The following PSMD1 variants were observed in gnomAD, a reference collection of about 807,000 sequenced individuals.
PSMD1 encodes the protein proteasome 26S subunit, non-ATPase 1, also known as 26S proteasome non-ATPase regulatory subunit 1.
In PSMD1, 18 loss-of-function variants were observed where a neutral mutation model predicts 119.0. The observed-to-expected ratio is 0.15, with a 90% CI of 0.10 to 0.22. PSMD1 has a LOEUF of 0.22. Ranked by LOEUF, PSMD1 falls within the 10% of genes least tolerant of loss-of-function variation. The probability of loss-of-function intolerance (pLI) is 1.00; values close to 1 mark genes in which losing one functional copy is unlikely to be tolerated. For missense variants in PSMD1, 702 were observed against 1,158.5 expected (o/e 0.61, Z 5.72); for synonymous variants, 374 against 396.6 (o/e 0.94, Z 0.68).
In PSMD1 at chr2:231,080,211, A is replaced by G. The variant is rs1428692970; in HGVS notation, c.1310A>G (p.Tyr437Cys). The G allele has an allele frequency of 6.2e-7, 1 of 1,613,634 alleles. No individual in the cohort carries two copies. The highest frequency in any genetic ancestry group is 8.5e-7 in the Non-Finnish European group (1 of 1,179,540). ...LPKDTSPGSA[Y>C]QEGGGLYALG... ...AAGGATACTTCTCCAGGATCAGCCT[A>G]TCAGGAAGGTGGAGGTCTCTATGCA... The change falls in exon 12 of 25, where the codon TAT (tyrosine) becomes TGT (cysteine). Residue 437 changes from tyrosine to cysteine, a missense_variant. By Grantham distance (194) the Tyr-to-Cys change is radical (BLOSUM62 -2). Transcript: ENST00000308696.
chr2:231,077,905 A>G (rs1040367393), intron 9 of PSMD1, among the ~76,000 whole-genome samples: 21 of 152,264 alleles, frequency 1.4e-4, no homozygotes, highest in African/African-American at 4.8e-4. Context: ...GGCAAAAAAT[A>G]TGGAGAATCA....
Position 231,070,010 on chromosome 2 carries a change from A to C in PSMD1, c.511-15A>C. On this transcript the variant is annotated splice_polypyrimidine_tract_variant and intron_variant, in intron 5 of 24. Transcript: ENST00000308696. The stretch of plus-strand genomic sequence containing the variant: ...ATAACCAGATAACGTTATATCTTTA[A>C]ACTATCTCTTTCAGAATGATGTCCC... 1 of 1,401,968 alleles carries C rather than the reference A, an allele frequency of 7.1e-7. No individual in the cohort carries two copies. The highest frequency in any genetic ancestry group is 9.4e-7 in the Non-Finnish European group (1 of 1,063,742). 86.8% of individuals were successfully genotyped at this position (1,401,968 alleles called of 1,614,324 possible).
In PSMD1 at chr2:231,119,950, C is replaced by CT. The variant is rs758725665; in HGVS notation, c.1884-18770dup. 2.6e-3 allele frequency among the ~76,000 whole-genome samples: 346 copies of CT among 135,686 alleles called. 1 individual carries two copies. Among genetic ancestry groups the CT allele is most frequent in the Admixed American group, 0.011 (149 of 13,440 alleles). The allele number at this position is 135,686 out of a possible 152,430, so 89.0% of individuals were successfully genotyped here. A position where few individuals can be genotyped will look rare whatever the true frequency, so the allele number is the denominator to read the frequency against. On this transcript the variant is annotated intron_variant, in intron 16 of 24. Transcript: ENST00000308696. ...CCAGATGCCATATCTTCCCGTGTTA[C>CT]TTTTTTTTTTTTTTTTCCCTGAGAC...
chr2:231,130,732 G>C (rs936820140), intron 16 of PSMD1, among the ~76,000 whole-genome samples: 46 of 152,198 alleles, frequency 3.0e-4, no homozygotes, highest in African/African-American at 1.0e-3. Flanking sequence ...AGAATGCTGG[G>C]ATTACAGGCA....
chr2:231,078,814 TTG>T (rs1217409084), intron 10 of PSMD1, 67 bp downstream of exon 10: 184 of 1,129,136 alleles, frequency 1.6e-4, no homozygotes, highest in Non-Finnish European at 2.0e-4. Context: ...TTTTTTTTTT[TTG>T]TGCAGTCTTA....
intron 16 of PSMD1, chr2:231,125,010 A>T (rs564443154): frequency 6.6e-6 from 1 of 152,058 alleles, no homozygotes; most frequent in Non-Finnish European, 1.5e-5. Context: ...ATGTCATCTT[A>T]TCTGTTCACT....
chr2:231,090,222 G>A (rs555274395), intron 16 of PSMD1, among the ~76,000 whole-genome samples: 4 of 152,288 alleles, frequency 2.6e-5, no homozygotes, highest in East Asian at 1.9e-4. Context: ...CTTTCAAGTC[G>A]TATTATTTAA....
At chr2:231,118,964 T>C (rs1333816348) in intron 16 of PSMD1, among the ~76,000 whole-genome samples, 10 of 151,070 alleles carry the variant, frequency 6.6e-5, no homozygotes, top group African/African-American at 2.2e-4. Flanking sequence ...AATGCTTCTG[T>C]CTTTATCTTC....
chr2:231,100,794 T>G (rs1694846165), intron 16 of PSMD1, among the ~76,000 whole-genome samples: 1 of 152,222 alleles, frequency 6.6e-6, no homozygotes, highest in Admixed American at 6.5e-5. Context: ...GCCATTGAGC[T>G]GATAACTGTT....
At chr2:231,057,692 T>C (rs754708146) in intron 1 of PSMD1, among the ~76,000 whole-genome samples, 1 of 152,268 alleles carries the variant, frequency 6.6e-6, no homozygotes. Context: ...GTCTGTTGAC[T>C]GTACATTCAA....
At chr2:231,085,241 A>G (rs903983628) in intron 15 of PSMD1, 127 bp downstream of exon 15, 2 of 745,178 alleles carry the variant, frequency 2.7e-6, no homozygotes, top group African/African-American at 1.7e-5. Context: ...TGTGATTCTC[A>G]TTTACTGGAC....
intron 16 of PSMD1, among the ~76,000 whole-genome samples, chr2:231,105,632 GTGT>G (rs1694957063): frequency 6.6e-6 from 1 of 152,112 alleles, no homozygotes; most frequent in African/African-American, 2.4e-5. Context: ...ATGTTTCTCA[GTGT>G]ATAAATTCAT....
chr2:231,097,010 ATTC>A (rs1474819139), intron 16 of PSMD1, among the ~76,000 whole-genome samples: 4 of 152,236 alleles, frequency 2.6e-5, no homozygotes, highest in Non-Finnish European at 5.9e-5. Flanking sequence ...ATACTGACAT[ATTC>A]TTTGAAAACA....
intron 7 of PSMD1, among the ~76,000 whole-genome samples, chr2:231,073,931 G>C (rs1694099209): frequency 1.3e-5 from 2 of 151,780 alleles, no homozygotes; most frequent in Admixed American, 6.6e-5. Flanking sequence ...ACAGAATTCT[G>C]TTTATTGGCA....
chr2:231,080,745 G>A (rs1182467408), intron 12 of PSMD1, among the ~76,000 whole-genome samples: 2 of 152,094 alleles, frequency 1.3e-5, no homozygotes, highest in Admixed American at 6.6e-5. Context: ...TTATTTTAAG[G>A]AACCTTAAAA....
At chr2:231,075,408 CAT>C in intron 7 of PSMD1, 101 bp from the exon 8 acceptor site, 1 of 1,026,090 alleles carries the variant, frequency 9.7e-7, no homozygotes, top group South Asian at 1.6e-5. Flanking sequence ...CTTTAGTAAA[CAT>C]TATTTTCTTG....
At chr2:231,073,551 T>G (rs2125163546) in intron 7 of PSMD1, among the ~76,000 whole-genome samples, 1 of 152,318 alleles carries the variant, frequency 6.6e-6, no homozygotes, top group African/African-American at 2.4e-5. Flanking sequence ...GTGTTCTGAT[T>G]GGGATTGTAT....
intron 18 of PSMD1, among the ~76,000 whole-genome samples, chr2:231,150,806 A>C (rs1461874735): frequency 5.9e-5 from 9 of 152,028 alleles, no homozygotes; most frequent in South Asian, 2.1e-4. Context: ...TTTCACAGAC[A>C]AAAAAAACAC....
intron 13 of PSMD1, 104 bp from the exon 14 acceptor site, chr2:231,083,463 G>A: frequency 4.1e-6 from 5 of 1,210,608 alleles, no homozygotes; most frequent in Non-Finnish European, 4.7e-6. Context: ...AGAAGCTAAT[G>A]ATTTTTTTGA....
Sources: allele counts gnomAD v4.1 joint callset (sites outside exome capture counted in the v4.1 genomes callset), GRCh38; gene constraint gnomAD v4.1.1; transcripts MANE v1.5; gene names NCBI Gene and HGNC (gene_info 2026-07-23, HGNC 2026-07-21).